The following ABHD10 variants were observed in gnomAD, a reference collection of about 807,000 sequenced individuals.
ABHD10 encodes the protein abhydrolase domain containing 10, depalmitoylase, also known as palmitoyl-protein thioesterase ABHD10, mitochondrial.
A neutral mutation model predicts 33.1 loss-of-function variants in ABHD10; 22 were observed. The observed-to-expected ratio is 0.66, with a 90% CI of 0.47 to 0.95. ABHD10 has a LOEUF of 0.95. Ranked by LOEUF, ABHD10 falls within the 40% of genes least tolerant of loss-of-function variation. ABHD10 has a pLI of 0.00. For synonymous variants in ABHD10, 146 were observed against 133.9 expected (o/e 1.09, Z -0.62); for missense variants, 352 against 379.9 (o/e 0.93, Z 0.61).
chr3:111,986,321 G>A lies in ABHD10; in HGVS notation c.384G>A (p.Gly128=). Residue 128 remains glycine, a synonymous_variant, in exon 3 of 5, where the codon GGG becomes GGA. Coordinates refer to ENST00000273359, the MANE Select transcript of ABHD10 (RefSeq NM_018394.4). ...SDGNSEESTL[G]KWRKDVLSII... ...GTAACTCAGAGGAAAGCACACTGGGGAAATGGAGAAAAGATGTTCTTTCTA... is the reference window on the plus strand; with the variant it reads ...GTAACTCAGAGGAAAGCACACTGGGAAAATGGAGAAAAGATGTTCTTTCTA... The A allele has an allele frequency of 6.2e-7, 1 of 1,614,070 alleles. No homozygotes were observed. The highest frequency in any genetic ancestry group is 1.3e-5 in the African/African-American group (1 of 75,060).
chr3:111,979,045 C>A lies in ABHD10; in HGVS notation c.-17C>A. ...TCCCTCAGTGGGACACTGCAGGGTG[C>A]GGGGACAACTACGAAGATGGCGGTT... On this transcript the variant is annotated 5_prime_UTR_variant, in exon 1 of 5. Coordinates refer to ENST00000273359, the MANE Select transcript of ABHD10 (RefSeq NM_018394.4). 3 of 1,610,204 alleles carry A rather than the reference C, an allele frequency of 1.9e-6. No homozygotes were observed. Among genetic ancestry groups the A allele is most frequent in the Non-Finnish European group, 2.5e-6 (3 of 1,178,104 alleles).
chr3:111,988,940 A>AG (rs1417569307), intron 4 of ABHD10, among the ~76,000 whole-genome samples: 6 of 152,182 alleles, frequency 3.9e-5, no homozygotes, highest in African/African-American at 1.4e-4. Flanking sequence ...GAGTGAGCAT[A>AG]GGGTAGATAC....
intron 2 of ABHD10, among the ~76,000 whole-genome samples, chr3:111,983,636 T>G (rs1250451644): frequency 6.6e-6 from 1 of 152,176 alleles, no homozygotes; most frequent in Non-Finnish European, 1.5e-5. Flanking sequence ...AGGTTGCTTT[T>G]GTTGGGATTT....
intron 4 of ABHD10, among the ~76,000 whole-genome samples, chr3:111,989,298 T>C (rs1290590719): frequency 1.3e-5 from 2 of 152,226 alleles, no homozygotes; most frequent in African/African-American, 4.8e-5. Context: ...TGCACAGCTG[T>C]TGGGAATGTA....
intron 1 of ABHD10, 69 bp from the exon 2 acceptor site, chr3:111,981,715 G>A: frequency 2.3e-6 from 3 of 1,327,484 alleles, no homozygotes; most frequent in South Asian, 2.1e-5. Flanking sequence ...AGTTAAGATC[G>A]AAAATATATA....
intron 4 of ABHD10, among the ~76,000 whole-genome samples, chr3:111,987,703 C>T (rs954971808): frequency 3.9e-5 from 6 of 152,112 alleles, no homozygotes; most frequent in Non-Finnish European, 8.8e-5. Flanking sequence ...AGACTGTACA[C>T]GTTCAATACA....
rs149926230 is a variant in ABHD10 at position 111,986,637 on chromosome 3, G to C, written c.438+262G>C. Among the ~76,000 whole-genome samples, 1,093 of 152,040 alleles carry C rather than the reference G, an allele frequency of 7.2e-3. 8 individuals are homozygous for C. The highest frequency in any genetic ancestry group is 0.034 in the Middle Eastern group (10 of 292). On this transcript the variant is annotated intron_variant, in intron 3 of 4. Coordinates refer to ENST00000273359, the MANE Select transcript of ABHD10 (RefSeq NM_018394.4). ...TTTTTAGTAGAGATGGGGTTTCACCGTGTTGGCCAGGATGGTCTCGATCTC... is the reference window on the plus strand; with the variant it reads ...TTTTTAGTAGAGATGGGGTTTCACCCTGTTGGCCAGGATGGTCTCGATCTC...
intron 3 of ABHD10, 127 bp from the exon 4 acceptor site, chr3:111,986,787 C>T: frequency 1.4e-6 from 1 of 722,728 alleles, no homozygotes; most frequent in Non-Finnish European, 2.1e-6. Flanking sequence ...AATGTTTAAT[C>T]CATTTTGATA....
At chr3:111,987,409 G>A (rs1002770261) in intron 4 of ABHD10, among the ~76,000 whole-genome samples, 3 of 151,900 alleles carry the variant, frequency 2.0e-5, no homozygotes, top group Non-Finnish European at 4.4e-5. Flanking sequence ...CTTACTTTGT[G>A]GCATATGGGG....
chr3:111,986,408 T>A (rs377416195), intron 3 of ABHD10, 33 bp downstream of exon 3: 17 of 1,450,380 alleles, frequency 1.2e-5, no homozygotes, highest in Non-Finnish European at 1.4e-5. Flanking sequence ...TGATAATTAC[T>A]GTAACCTCGT....
chr3:111,991,350 T>G (rs775166657), intron 4 of ABHD10, 27 bp from the exon 5 acceptor site: 2 of 1,552,098 alleles, frequency 1.3e-6, no homozygotes, highest in South Asian at 1.2e-5. Flanking sequence ...TCACAAATAC[T>G]TTTATTTTTC....
chr3:111,984,562 C>G (rs534725580), intron 2 of ABHD10, among the ~76,000 whole-genome samples: 21 of 152,104 alleles, frequency 1.4e-4, no homozygotes, highest in Middle Eastern at 3.4e-3. Flanking sequence ...GAAGTGAGTA[C>G]TACTGTAAAA....
rs748402319 is a variant in ABHD10, at chr3:111,979,026, A to G, written c.-36A>G. The stretch of plus-strand genomic sequence containing the variant: ...GGTTCCGTTGCGTAGCGTGTCCCTC[A>G]GTGGGACACTGCAGGGTGCGGGGAC... On this transcript the variant is annotated 5_prime_UTR_variant, in exon 1 of 5. Coordinates refer to ENST00000273359, the MANE Select transcript of ABHD10 (RefSeq NM_018394.4). 3 of 1,592,850 alleles carry G rather than the reference A, an allele frequency of 1.9e-6. No individual in the cohort carries two copies. The highest frequency in any genetic ancestry group is 3.4e-5 in the Admixed American group (2 of 58,710).
At chr3:111,979,785 C>A (rs997510749) in intron 1 of ABHD10, among the ~76,000 whole-genome samples, 3 of 145,000 alleles carry the variant, frequency 2.1e-5, no homozygotes, top group Non-Finnish European at 4.6e-5. Flanking sequence ...TGAATTAGAT[C>A]CTTTTATTTT....
At position 111,979,198 on chromosome 3, in the gene ABHD10, T is replaced by G. The variant is rs1490122521; in HGVS notation, c.137T>G (p.Leu46Arg). The G allele has an allele frequency of 1.3e-6, 2 of 1,598,884 alleles. No homozygotes were observed. Among genetic ancestry groups the G allele is most frequent in the Admixed American group, 1.7e-5 (1 of 58,960 alleles). The change falls in exon 1 of 5, where the codon CTC becomes CGC. Residue 46 changes from leucine to arginine, a missense_variant. By Grantham distance (102) the Leu-to-Arg change is moderately radical. Transcript: ENST00000273359. ...ATACCTCAGCGGGCGCCACGGTGGC[T>G]CCCAGGTCAGTGTCCGAAAGGCGGG... ...ARIPQRAPRWLPACRQKTSLS... is the reference protein window; with the variant it reads ...ARIPQRAPRWRPACRQKTSLS...
rs1431435622 is a variant in ABHD10, at chr3:111,979,076, C to A, written c.15C>A (p.Arg5=). The A allele has an allele frequency of 1.2e-6, 2 of 1,613,116 alleles. No homozygotes were observed. Among genetic ancestry groups the A allele is most frequent in the Non-Finnish European group, 1.7e-6 (2 of 1,179,656 alleles). ...CAACTACGAAGATGGCGGTTGCGCG[C>A]TTGGCAGCTGTGGCGGCCTGGGTAC... MAVA[R]LAAVAAWVPC... is the part of the protein sequence containing the mutation. Residue 5 remains arginine (R), a synonymous_variant, in exon 1 of 5, where the codon CGC becomes CGA. Transcript: ENST00000273359.
chr3:111,986,962 A>G lies in ABHD10; in HGVS notation c.487A>G (p.Ile163Val). The G allele has an allele frequency of 1.2e-6, 2 of 1,612,704 alleles. No homozygotes were observed. Among genetic ancestry groups the G allele is most frequent in the African/African-American group, 1.3e-5 (1 of 74,942 alleles). The change falls in exon 4 of 5, where the codon ATT (isoleucine) becomes GTT (valine). Residue 163 changes from isoleucine (I) to valine (V), a missense_variant. Transcript: ENST00000273359. ...LGGWLMLHAA[I>V]ARPEKVVALI... ...AGGGTGGCTTATGCTTCATGCTGCAATTGCACGACCAGAGAAGGTCGTGGC... is the reference window on the plus strand; with the variant it reads ...AGGGTGGCTTATGCTTCATGCTGCAGTTGCACGACCAGAGAAGGTCGTGGC...
chr3:111,985,992 C>T (rs2072652604), intron 2 of ABHD10, among the ~76,000 whole-genome samples: 1 of 152,102 alleles, frequency 6.6e-6, no homozygotes, highest in African/African-American at 2.4e-5. Flanking sequence ...TGTGAAAATG[C>T]AAACAGGAGA....
In ABHD10 at chr3:111,979,221, G is replaced by T. The variant is rs535972310; in HGVS notation, c.142+18G>T. ...GCTCCCAGGTCAGTGTCCGAAAGGC[G>T]GGAGTAGGATGCGTTCTTTCGAACG... On this transcript the variant is annotated intron_variant, in intron 1 of 4. Coordinates refer to ENST00000273359, the MANE Select transcript of ABHD10 (RefSeq NM_018394.4). 68 of 1,586,356 alleles carry T rather than the reference G, an allele frequency of 4.3e-5. No individual in the cohort carries two copies. In the African/African-American group the frequency reaches 8.9e-4, roughly 21 times the overall value.
Sources: allele counts gnomAD v4.1 joint callset (sites outside exome capture counted in the v4.1 genomes callset), GRCh38; gene constraint gnomAD v4.1.1; transcripts MANE v1.5; gene names NCBI Gene and HGNC (gene_info 2026-07-23, HGNC 2026-07-21).